Variants in PTPRD observed in about 807,000 individuals in gnomAD.
PTPRD encodes protein tyrosine phosphatase receptor type D.
A neutral mutation model predicts 214.5 loss-of-function variants in PTPRD; 34 were observed. The observed-to-expected ratio is 0.16, with a 90% CI of 0.12 to 0.21. The LOEUF (loss-of-function observed/expected upper bound fraction) is 0.21. Ranked by LOEUF, PTPRD falls within the 10% of genes least tolerant of loss-of-function variation. The pLI is 1.00. For synonymous variants in PTPRD, 1,128 were observed against 845.7 expected (o/e 1.33, Z -5.79); for missense variants, 2,545 against 2,398.7 (o/e 1.06, Z -1.27).
At chr9:8,321,978 T>C (rs960936125) in intron 44 of PTPRD, among the ~76,000 whole-genome samples, 4 of 152,038 alleles carry the variant, frequency 2.6e-5, no homozygotes, top group Non-Finnish European at 4.4e-5. Flanking sequence ...TCTTGTAATA[T>C]TTCAAATTTT....
intron 7 of PTPRD, among the ~76,000 whole-genome samples, chr9:9,704,024 T>C (rs2097549840): frequency 6.6e-6 from 1 of 152,174 alleles, no homozygotes; most frequent in South Asian, 2.1e-4. Flanking sequence ...CTGGGACTAC[T>C]GGCATGAGCC....
intron 4 of PTPRD, among the ~76,000 whole-genome samples, chr9:10,015,796 C>T (rs184107838): frequency 4.6e-5 from 7 of 152,270 alleles, no homozygotes; most frequent in African/African-American, 1.7e-4. Flanking sequence ...TTTATTTCTC[C>T]TCTGGTAGGA....
chr9:8,826,933 C>T (rs1362319573), intron 11 of PTPRD, among the ~76,000 whole-genome samples: 2 of 152,088 alleles, frequency 1.3e-5, no homozygotes, highest in Non-Finnish European at 2.9e-5. Context: ...GATTCCTTGA[C>T]ACATGTTTCT....
chr9:9,560,362 A>G (rs1464818206), intron 8 of PTPRD, among the ~76,000 whole-genome samples: 1 of 152,216 alleles, frequency 6.6e-6, no homozygotes, highest in Non-Finnish European at 1.5e-5. Context: ...GAAATGTTGC[A>G]TCTTGCAGGG....
At chr9:9,964,247 A>G (rs2094542952) in intron 4 of PTPRD, among the ~76,000 whole-genome samples, 1 of 152,210 alleles carries the variant, frequency 6.6e-6, no homozygotes, top group Admixed American at 6.5e-5. Context: ...GGAATCATCT[A>G]TCAAATATTT....
chr9:9,379,454 T>C (rs2061598303), intron 9 of PTPRD, among the ~76,000 whole-genome samples: 1 of 151,894 alleles, frequency 6.6e-6, no homozygotes, highest in African/African-American at 2.4e-5. Context: ...GTATTAAGTG[T>C]TCAAGTCAGG....
At chr9:8,923,532 T>C (rs970242554) in intron 11 of PTPRD, among the ~76,000 whole-genome samples, 3 of 152,152 alleles carry the variant, frequency 2.0e-5, no homozygotes, top group Admixed American at 6.6e-5. Flanking sequence ...GTAAGCATTA[T>C]GTGAATTCAC....
At chr9:9,570,959 G>A (rs1349869121) in intron 8 of PTPRD, among the ~76,000 whole-genome samples, 1 of 151,320 alleles carries the variant, frequency 6.6e-6, no homozygotes, top group Non-Finnish European at 1.5e-5. Flanking sequence ...AAACACGTTA[G>A]CTAACTACTA....
chr9:9,507,036 C>T (rs970816405), intron 8 of PTPRD, among the ~76,000 whole-genome samples: 3 of 151,248 alleles, frequency 2.0e-5, no homozygotes, highest in African/African-American at 7.3e-5. Context: ...GACATTCAAA[C>T]AATACATATA....
chr9:9,349,425 T>C (rs2050235135), intron 9 of PTPRD, among the ~76,000 whole-genome samples: 1 of 152,038 alleles, frequency 6.6e-6, no homozygotes, highest in African/African-American at 2.4e-5. Context: ...AAGCAAGCTT[T>C]AAGACAAATC....
intron 8 of PTPRD, among the ~76,000 whole-genome samples, chr9:9,460,185 A>G (rs1191296503): frequency 6.6e-6 from 1 of 152,108 alleles, no homozygotes; most frequent in Non-Finnish European, 1.5e-5. Context: ...CGATATAAAA[A>G]CTAGCTCAAG....
chr9:9,463,995 C>T lies in PTPRD; in HGVS notation c.-236-66513G>A, dbSNP rs74527730. Reference sequence around the variant, plus strand: ...CTACCTGCTTCTTGTTAACTAACTCCTCTTTCTTTCCACTCCCTAATTCCT... The same window carrying T: ...CTACCTGCTTCTTGTTAACTAACTCTTCTTTCTTTCCACTCCCTAATTCCT... On this transcript the variant is annotated intron_variant, in intron 8 of 45. Coordinates refer to ENST00000381196, the MANE Select transcript of PTPRD (RefSeq NM_002839.4). Among the ~76,000 whole-genome samples, 802 of 152,288 alleles carry T rather than the reference C, an allele frequency of 5.3e-3. 3 individuals carry two copies. Among genetic ancestry groups the T allele is most frequent in the Non-Finnish European group, 9.5e-3 (648 of 68,022 alleles).
chr9:8,740,441 A>G (rs1283827466), intron 11 of PTPRD, among the ~76,000 whole-genome samples: 1 of 152,198 alleles, frequency 6.6e-6, no homozygotes, highest in East Asian at 1.9e-4. Flanking sequence ...CATTCGATTA[A>G]TATTAGCGAG....
chr9:8,817,661 C>T (rs753978729), intron 11 of PTPRD, among the ~76,000 whole-genome samples: 25 of 152,096 alleles, frequency 1.6e-4, no homozygotes, highest in Admixed American at 7.9e-4. Flanking sequence ...CAAAACAAAA[C>T]AAAATAAAAT....
chr9:9,242,865 A>G (rs200657925), intron 9 of PTPRD, among the ~76,000 whole-genome samples: 4 of 152,128 alleles, frequency 2.6e-5, no homozygotes, highest in African/African-American at 9.7e-5. Flanking sequence ...CTGTCCAGCT[A>G]TGTTCCATTG....
At chr9:10,541,796 T>A (rs1423151185) in intron 2 of PTPRD, among the ~76,000 whole-genome samples, 1 of 152,016 alleles carries the variant, frequency 6.6e-6, no homozygotes, top group African/African-American at 2.4e-5. Flanking sequence ...TGTAGCCTAT[T>A]GCATGCAACT....
chr9:9,234,774 C>T (rs1241198003), intron 9 of PTPRD, among the ~76,000 whole-genome samples: 3 of 152,146 alleles, frequency 2.0e-5, no homozygotes, highest in African/African-American at 7.2e-5. Flanking sequence ...TCTGAGACCA[C>T]CTCAGCCTGG....
chr9:9,840,189 C>T lies in PTPRD; in HGVS notation c.-367-73338G>A, dbSNP rs141537100. On this transcript the variant is annotated intron_variant, in intron 5 of 45. Coordinates refer to ENST00000381196, the MANE Select transcript of PTPRD (RefSeq NM_002839.4). ...AGTACCTGGCATTACAGGCACTCAC[C>T]ACCACGCCCAGCTAATTTTTGCATT... is the stretch of plus-strand genomic sequence containing the variant. 9.3e-3 allele frequency among the ~76,000 whole-genome samples: 1,416 copies of T among 152,102 alleles called. 18 individuals carry two copies. The highest frequency in any genetic ancestry group is 0.029 in the African/African-American group (1,185 of 41,478).
intron 11 of PTPRD, among the ~76,000 whole-genome samples, chr9:8,884,064 T>C (rs537641672): frequency 1.3e-5 from 2 of 152,328 alleles, no homozygotes; most frequent in Admixed American, 1.3e-4. Context: ...ACAAGTAAAA[T>C]TCTTATCCCC....
Sources: allele counts gnomAD v4.1 joint callset (sites outside exome capture counted in the v4.1 genomes callset), GRCh38; gene constraint gnomAD v4.1.1; transcripts MANE v1.5; gene names NCBI Gene and HGNC (gene_info 2026-07-23, HGNC 2026-07-21).